RNF19A: variants seen among roughly 807,000 people sequenced by gnomAD.
RNF19A encodes ring finger protein 19A, RBR E3 ubiquitin protein ligase.
Under a neutral mutation model 75.7 loss-of-function variants are expected in RNF19A, and 32 were observed. The observed-to-expected ratio is 0.42, with a 90% CI of 0.32 to 0.57. The LOEUF (loss-of-function observed/expected upper bound fraction) is 0.57. RNF19A is among the 20% of genes least tolerant of loss of function. RNF19A has a pLI of 0.10. For synonymous variants in RNF19A, 335 were observed against 345.2 expected, an observed-to-expected ratio of 0.97 and a Z score of 0.33; for missense variants, 782 against 1,036.3, an observed-to-expected ratio of 0.75 and a Z score of 3.37.
At chr8:100,310,161 C>G (rs1468629451), upstream of RNF19A, 3 of 985,334 alleles carry the variant, frequency 3.0e-6, no homozygotes, top group Non-Finnish European at 3.6e-6. Context: ...CCTCCCGCCC[C>G]CGGCCGCCCC....
rs1563875722 is a variant in RNF19A, at chr8:100,324,870, C to T, written c.-243+11238G>A. ...CCCTCCCTCCTTCCTTTCTCTCTTT[C>T]TCTTTTTTTTCTTTCTTTCTCTCTC... On this transcript the variant is annotated intron_variant, in intron 1 of 3. Coordinates refer to the RNF19A transcript ENST00000519527. The surrounding 1 kb of genome is among the most constrained non-coding windows in gnomAD (Gnocchi z 4.2). 7.0e-6 allele frequency among the ~76,000 whole-genome samples: 1 copy of T among 142,146 alleles called. No individual in the cohort carries two copies. The highest frequency in any genetic ancestry group is 1.5e-5 in the Non-Finnish European group (1 of 65,988). 93.3% of individuals were successfully genotyped at this position (142,146 alleles called of 152,430 possible).
chr8:100,313,033 T>A (rs1361710911), upstream of RNF19A, among the ~76,000 whole-genome samples: 2 of 152,250 alleles, frequency 1.3e-5, no homozygotes, highest in African/African-American at 4.8e-5. Context: ...CATTTCCCAC[T>A]GGAATACTGC....
upstream of RNF19A, chr8:100,313,262 G>C (rs2130295878): frequency 1.1e-6 from 1 of 943,224 alleles, no homozygotes; most frequent in East Asian, 1.2e-4. Flanking sequence ...AATAAAGAAG[G>C]AAAAATAATG....
chr8:100,324,808 TCTTCCTTC>T lies in RNF19A; in HGVS notation c.-243+11292_-243+11299del, dbSNP rs138631931. ...ATCTTTTTTCTTTCTTTCTCTTTCT[TCTTCCTTC>T]CTTCCTTCCTTCCTCCTTCTTCCTC... On this transcript the variant is annotated intron_variant, in intron 1 of 3. Transcript: ENST00000519527. The surrounding 1 kb of genome is among the most constrained non-coding windows in gnomAD (Gnocchi z 4.2). 6.8e-6 allele frequency among the ~76,000 whole-genome samples: 1 copy of T among 148,112 alleles called. No individual in the cohort carries two copies. The highest frequency in any genetic ancestry group is 1.5e-5 in the Non-Finnish European group (1 of 65,544).
intron 1 of RNF19A, among the ~76,000 whole-genome samples, chr8:100,326,956 C>T (rs1044058923): frequency 6.6e-6 from 1 of 152,208 alleles, no homozygotes; most frequent in East Asian, 1.9e-4. Flanking sequence ...AGCAGAGGAG[C>T]CAATGGGTTG....
intron 1 of RNF19A, among the ~76,000 whole-genome samples, chr8:100,296,075 T>C (rs1018428459): frequency 1.3e-5 from 2 of 152,178 alleles, no homozygotes; most frequent in African/African-American, 2.4e-5. Flanking sequence ...CAGCAATGCA[T>C]TCTCTGGGCA....
At chr8:100,316,128 G>C (rs1586696542) in intron 1 of RNF19A, among the ~76,000 whole-genome samples, 1 of 152,214 alleles carries the variant, frequency 6.6e-6, no homozygotes, top group African/African-American at 2.4e-5. Flanking sequence ...CAGGAGTAAA[G>C]CTGCAGACCT....
rs1268067573 is a variant in RNF19A, at chr8:100,329,066, G to A, written c.-243+7042C>T. Among the ~76,000 whole-genome samples the A allele has an allele frequency of 2.0e-5, 3 of 152,268 alleles. No homozygotes were observed. The East Asian group carries it at 5.8e-4, about 29-fold the overall frequency. On this transcript the variant is annotated intron_variant, in intron 1 of 3. Coordinates refer to the RNF19A transcript ENST00000519527. This position sits in a 1 kb window ranked among gnomAD's most constrained non-coding sequence, Gnocchi z 4.3. Reference sequence around the variant, plus strand: ...ATGTGACTAATTCCAGGTGCCTCCAGATCTGTCCTGGCTGCTACCCTTTAA... The same window carrying A: ...ATGTGACTAATTCCAGGTGCCTCCAAATCTGTCCTGGCTGCTACCCTTTAA...
Position 100,258,147 on chromosome 8 carries a change from C to T in RNF19A, c.*409G>A, listed in dbSNP as rs1586583152. The T allele has an allele frequency of 1.7e-5, 7 of 406,456 alleles. No individual in the cohort carries two copies. In the East Asian group the frequency reaches 2.5e-4, roughly 14 times the overall value. The allele number at this position is 406,456 out of a possible 1,614,324, so 25.2% of individuals were successfully genotyped here. Reference sequence around the variant, plus strand: ...CTATGCAGTTCTTTTAAACTTATCTCTTTAGTGGTTTCAATAAAATATCAC... The same window carrying T: ...CTATGCAGTTCTTTTAAACTTATCTTTTTAGTGGTTTCAATAAAATATCAC... On this transcript the variant is annotated 3_prime_UTR_variant, in exon 10 of 10. Transcript: ENST00000341084. This position sits in a 1 kb window ranked among gnomAD's most constrained non-coding sequence, Gnocchi z 4.3.
chr8:100,269,989 C>G lies in RNF19A; in HGVS notation c.908G>C (p.Arg303Pro). Residue 303 changes from arginine (R) to proline (P), a missense_variant, in exon 4 of 10, where the codon CGA (arginine) becomes CCA (proline). By Grantham distance (103) the Arg-to-Pro change is moderately radical. Transcript: ENST00000341084. The surrounding 1 kb of genome is among the most constrained non-coding windows in gnomAD (Gnocchi z 5.7). ...CATCTTTATTATATAAGCAGCACATCGTGGACATGGCTTTATATCATCAGC... is the reference window on the plus strand; with the variant it reads ...CATCTTTATTATATAAGCAGCACATGGTGGACATGGCTTTATATCATCAGC... ...AAADDIKPCP[R>P]CAAYIIKMND... 6.2e-7 allele frequency: 1 copy of G among 1,603,032 alleles called. No individual in the cohort carries two copies. The highest frequency in any genetic ancestry group is 8.5e-7 in the Non-Finnish European group (1 of 1,174,984).
intron 1 of RNF19A, among the ~76,000 whole-genome samples, chr8:100,327,007 C>T (rs192081540): frequency 1.3e-5 from 2 of 152,298 alleles, no homozygotes; most frequent in Admixed American, 1.3e-4. Context: ...TTAACAGTTC[C>T]TCAGCAGATG....
chr8:100,299,085 C>T (rs1019128543), intron 1 of RNF19A, among the ~76,000 whole-genome samples: 1 of 152,208 alleles, frequency 6.6e-6, no homozygotes, highest in Admixed American at 6.5e-5. Flanking sequence ...ATTTTGCTTA[C>T]TGTGTCCCTT....
At chr8:100,299,985 A>G (rs560948894) in intron 1 of RNF19A, among the ~76,000 whole-genome samples, 34 of 152,322 alleles carry the variant, frequency 2.2e-4, no homozygotes, top group African/African-American at 7.9e-4. Context: ...ATTGAATGAT[A>G]TATGTACATA....
chr8:100,321,152 C>T (rs1223271972), intron 1 of RNF19A, among the ~76,000 whole-genome samples: 1 of 152,178 alleles, frequency 6.6e-6, no homozygotes, highest in Non-Finnish European at 1.5e-5. Flanking sequence ...TTGACTCTTC[C>T]TTCCACAAAA....
At position 100,261,267 on chromosome 8, in the gene RNF19A, T is replaced by C. The variant is rs926333378; in HGVS notation, c.1682+275A>G. On this transcript the variant is annotated intron_variant, in intron 8 of 9. Coordinates refer to ENST00000341084, the MANE Select transcript of RNF19A (RefSeq NM_183419.4). The surrounding 1 kb of genome is among the most constrained non-coding windows in gnomAD (Gnocchi z 4.4). ...ATGCCACCAAATCCGGCTAATTTTTTATATTTTTTTAGTAGAGATGGGGTT... is the reference window on the plus strand; with the variant it reads ...ATGCCACCAAATCCGGCTAATTTTTCATATTTTTTTAGTAGAGATGGGGTT... Among the ~76,000 whole-genome samples, 1 of 151,990 alleles carries C rather than the reference T, an allele frequency of 6.6e-6. No individual in the cohort carries two copies. Among genetic ancestry groups the C allele is most frequent in the African/African-American group, 2.4e-5 (1 of 41,378 alleles).
rs544759631 is a variant in RNF19A at position 100,259,612 on chromosome 8, T to C, written c.1826+242A>G. 6.6e-6 allele frequency among the ~76,000 whole-genome samples: 1 copy of C among 152,120 alleles called. No individual in the cohort carries two copies. Among genetic ancestry groups the C allele is most frequent in the East Asian group, 1.9e-4 (1 of 5,182 alleles). On this transcript the variant is annotated intron_variant, in intron 9 of 9. Transcript: ENST00000341084. The surrounding 1 kb of genome is among the most constrained non-coding windows in gnomAD (Gnocchi z 4.5). The stretch of plus-strand genomic sequence containing the variant: ...ACCTAACTTCAGAACATTTTCATGA[T>C]CCCAAAAAGGGATCTTGCATCCATT...
At chr8:100,304,363 C>A (rs1042818382) in intron 1 of RNF19A, among the ~76,000 whole-genome samples, 1 of 152,164 alleles carries the variant, frequency 6.6e-6, no homozygotes, top group Non-Finnish European at 1.5e-5. Context: ...GTAACCACTG[C>A]CACCCTTGCT....
rs1044721981 is a variant in RNF19A, at chr8:100,284,912, A to G, written c.674+2589T>C. Among the ~76,000 whole-genome samples the G allele has an allele frequency of 6.6e-5, 10 of 152,172 alleles. No homozygotes were observed. Among genetic ancestry groups the G allele is most frequent in the African/African-American group, 2.4e-4 (10 of 41,466 alleles). The stretch of plus-strand genomic sequence containing the variant: ...AGAAAGAAATGTAGTGCTATTAAAA[A>G]TTGTATCAGTATACTAAGCATGAAC... On this transcript the variant is annotated intron_variant, in intron 2 of 9. Coordinates refer to ENST00000341084, the MANE Select transcript of RNF19A (RefSeq NM_183419.4). This position sits in a 1 kb window ranked among gnomAD's most constrained non-coding sequence, Gnocchi z 4.3.
At chr8:100,314,468 T>C (rs1822344922), upstream of RNF19A, among the ~76,000 whole-genome samples, 1 of 152,138 alleles carries the variant, frequency 6.6e-6, no homozygotes, top group Admixed American at 6.6e-5. The surrounding 1 kb of genome is among the most constrained non-coding windows in gnomAD (Gnocchi z 4.1). Flanking sequence ...GCTCCAGAGC[T>C]CATGCTCTTC....
Sources: allele counts gnomAD v4.1 joint callset (sites outside exome capture counted in the v4.1 genomes callset), GRCh38; gene constraint gnomAD v4.1.1; non-coding constraint Gnocchi (gnomAD v3.1); transcripts MANE v1.5; gene names NCBI Gene and HGNC (gene_info 2026-07-23, HGNC 2026-07-21).